MBTPS1: variants seen among roughly 807,000 people sequenced by gnomAD.
MBTPS1 encodes membrane bound transcription factor peptidase, site 1, also known as membrane-bound transcription factor site-1 protease.
Under a neutral mutation model 127.8 loss-of-function variants are expected in MBTPS1, and 94 were observed. The observed-to-expected ratio is 0.74, with a 90% CI of 0.62 to 0.87. The LOEUF (loss-of-function observed/expected upper bound fraction) is 0.87, where lower values mean the gene tolerates loss of function less well. MBTPS1 is among the 40% of genes least tolerant of loss of function. The pLI, the probability that MBTPS1 is intolerant of heterozygous loss-of-function variation, is 0.00. For synonymous variants in MBTPS1, 632 were observed against 509.4 expected (o/e 1.24, Z -3.24); for missense variants, 1,636 against 1,353.2 (o/e 1.21, Z -3.28).
In MBTPS1 at chr16:84,074,690, G is replaced by A. The variant is rs759964487; in HGVS notation, c.1500C>T (p.Tyr500=). ...DLTECPYMWP[Y]CSQPIYYGGM... is the part of the protein sequence containing the mutation. ...CTCCATAGTAGATGGGCTGGGAGCA[G>A]TAGGGCCACATGTAGGGACACTCAG... The change falls in exon 12 of 23, where the codon TAC becomes TAT. Residue 500 remains tyrosine (Y), a synonymous_variant. Coordinates refer to ENST00000343411, the MANE Select transcript of MBTPS1 (RefSeq NM_003791.4). The A allele has an allele frequency of 8.7e-6, 14 of 1,614,020 alleles. No individual in the cohort carries two copies. The highest frequency in any genetic ancestry group is 1.1e-5 in the Non-Finnish European group (13 of 1,179,968).
At chr16:84,086,957 C>CA (rs2086036913) in intron 9 of MBTPS1, among the ~76,000 whole-genome samples, 1 of 152,046 alleles carries the variant, frequency 6.6e-6, no homozygotes, top group Non-Finnish European at 1.5e-5. Flanking sequence ...ATGGTTTCTC[C>CA]AACTTCTTAA....
chr16:84,110,846 G>A (rs564841298), intron 1 of MBTPS1: 24 of 152,328 alleles, frequency 1.6e-4, no homozygotes, highest in African/African-American at 4.6e-4. Context: ...AATCCAAGAA[G>A]TATGAATCTG....
chr16:84,097,832 C>CG (rs2086196972), intron 3 of MBTPS1, among the ~76,000 whole-genome samples: 1 of 122,634 alleles, frequency 8.2e-6, no homozygotes, highest in East Asian at 2.4e-4. Context: ...AATTAAACTT[C>CG]TCTTCGTGTG....
At position 84,068,391 on chromosome 16, in the gene MBTPS1, G is replaced by A. The variant is rs1218166242; in HGVS notation, c.2019C>T (p.Tyr673=). 1 of 1,614,258 alleles carries A rather than the reference G, an allele frequency of 6.2e-7. No individual in the cohort carries two copies. The highest frequency in any genetic ancestry group is 8.5e-7 in the Non-Finnish European group (1 of 1,180,040). Residue 673 remains tyrosine (Y), a synonymous_variant, in exon 15 of 23, where the codon TAC becomes TAT. Transcript: ENST00000343411. ...AGGGGGCCCCGAGGACCTCTACAAA[G>A]TAGCCCATGCTTCTCAGATGCTGGT... ...DMYQHLRSMG[Y]FVEVLGAPFT...
intron 8 of MBTPS1, among the ~76,000 whole-genome samples, chr16:84,090,293 G>A (rs947896552): frequency 1.3e-5 from 2 of 152,134 alleles, no homozygotes; most frequent in Admixed American, 6.5e-5. Context: ...CAAATGTTTC[G>A]CATCTCACGC....
intron 20 of MBTPS1, chr16:84,060,335 G>T: frequency 5.2e-6 from 1 of 194,060 alleles, no homozygotes; most frequent in East Asian, 1.3e-4. Flanking sequence ...CATGGGACCT[G>T]GCAAGTGCTC....
intron 20 of MBTPS1, 104 bp from the exon 21 acceptor site, chr16:84,059,532 A>C: frequency 9.3e-7 from 1 of 1,077,906 alleles, no homozygotes; most frequent in Non-Finnish European, 1.3e-6. Flanking sequence ...TTCCCACAAC[A>C]CAGCACAGAG....
chr16:84,101,099 G>A (rs1177695493), intron 2 of MBTPS1, among the ~76,000 whole-genome samples: 1 of 151,780 alleles, frequency 6.6e-6, no homozygotes, highest in Non-Finnish European at 1.5e-5. Flanking sequence ...AGGAGCTCGA[G>A]ACCAGCCTGG....
intron 14 of MBTPS1, among the ~76,000 whole-genome samples, chr16:84,069,227 G>C (rs1232308549): frequency 6.6e-6 from 1 of 152,224 alleles, no homozygotes; most frequent in Non-Finnish European, 1.5e-5. Flanking sequence ...GCAGAAATGA[G>C]CTTGGCTAAT....
chr16:84,069,722 G>T (rs1567478354), intron 14 of MBTPS1, 144 bp downstream of exon 14: 4 of 757,434 alleles, frequency 5.3e-6, no homozygotes, highest in Non-Finnish European at 8.6e-6. Flanking sequence ...CTAAGTGCAT[G>T]GCAAAAGCCT....
In MBTPS1 at chr16:84,101,678, G is replaced by C. The variant is rs138570962; in HGVS notation, c.106C>G (p.Pro36Ala). The C allele has an allele frequency of 3.3e-5, 54 of 1,614,072 alleles. No individual in the cohort carries two copies. In the African/African-American group the frequency reaches 4.9e-4, roughly 15 times the overall value. Residue 36 changes from proline to alanine, a missense_variant, in exon 2 of 23, where the codon CCT becomes GCT. Physicochemically the swap from Pro to Ala is conservative, Grantham distance 27. Coordinates refer to ENST00000343411, the MANE Select transcript of MBTPS1 (RefSeq NM_003791.4). ...TTCAAAGTCAGGTGGGAACAGCCAGGGCATGGGGCCTTTTCAAAAGATTTC... is the reference window on the plus strand; with the variant it reads ...TTCAAAGTCAGGTGGGAACAGCCAGCGCATGGGGCCTTTTCAAAAGATTTC... ...EKKSFEKAPC[P>A]GCSHLTLKVE...
At chr16:84,057,421 T>G (rs2085538532) in intron 21 of MBTPS1, 1 of 152,252 alleles carries the variant, frequency 6.6e-6, no homozygotes. Flanking sequence ...GGAGCAGTCA[T>G]GGTAACAGTC....
intron 18 of MBTPS1, among the ~76,000 whole-genome samples, chr16:84,065,265 G>A (rs373053938): frequency 1.2e-4 from 18 of 151,926 alleles, no homozygotes; most frequent in African/African-American, 2.9e-4. Flanking sequence ...CTACAGGCGC[G>A]TGCCATCATG....
chr16:84,108,328 G>A (rs571763365), intron 1 of MBTPS1, among the ~76,000 whole-genome samples: 3 of 152,174 alleles, frequency 2.0e-5, no homozygotes, highest in Admixed American at 6.5e-5. Context: ...GCAATGGCAC[G>A]ACCTCTGCTC....
chr16:84,104,298 T>TG (rs2086294770), intron 1 of MBTPS1, among the ~76,000 whole-genome samples: 1 of 152,078 alleles, frequency 6.6e-6, no homozygotes, highest in East Asian at 1.9e-4. Context: ...CTGGGCAACG[T>TG]GGAGAAACCT....
At chr16:84,108,307 C>A (rs2086352843) in intron 1 of MBTPS1, among the ~76,000 whole-genome samples, 1 of 152,156 alleles carries the variant, frequency 6.6e-6, no homozygotes, top group African/African-American at 2.4e-5. Context: ...CTTTGCTGCC[C>A]AGGCTGGAGT....
intron 17 of MBTPS1, among the ~76,000 whole-genome samples, chr16:84,066,153 G>T (rs1033783733): frequency 6.6e-6 from 1 of 152,116 alleles, no homozygotes; most frequent in Admixed American, 6.5e-5. Context: ...TACCTGTGGG[G>T]GAACTTCCTA....
intron 1 of MBTPS1, among the ~76,000 whole-genome samples, chr16:84,111,334 G>A (rs966308079): frequency 1.3e-5 from 2 of 152,202 alleles, no homozygotes; most frequent in African/African-American, 2.4e-5. Flanking sequence ...GAGGTCAGGC[G>A]TTCGAGACCA....
At chr16:84,081,996 A>C (rs748946346) in intron 10 of MBTPS1, 88 bp from the exon 11 acceptor site, 1 of 982,492 alleles carries the variant, frequency 1.0e-6, no homozygotes, top group Non-Finnish European at 1.4e-6. Flanking sequence ...ACGTGCACAC[A>C]AGAGGCCTGC....
Sources: allele counts gnomAD v4.1 joint callset (sites outside exome capture counted in the v4.1 genomes callset), GRCh38; gene constraint gnomAD v4.1.1; transcripts MANE v1.5; gene names NCBI Gene and HGNC (gene_info 2026-07-23, HGNC 2026-07-21).